The following UBD variants were observed in gnomAD, a reference collection of about 807,000 sequenced individuals.
UBD encodes ubiquitin D.
In UBD, 1 loss-of-function variant was observed where a neutral mutation model predicts 2.3. The observed-to-expected ratio is 0.43, with a 90% confidence interval of 0.15 to 2.06. The LOEUF (loss-of-function observed/expected upper bound fraction) is 2.06. Among genes scored for constraint, UBD ranks in the 30% most tolerant of loss-of-function variants. The pLI is 0.29. For synonymous variants in UBD, 75 were observed against 76.5 expected (o/e 0.98, Z 0.10); for missense variants, 175 against 199.3 (o/e 0.88, Z 0.73).
intron 1 of UBD, 90 bp from the exon 2 acceptor site, chr6:29,556,440 T>A: frequency 1.1e-6 from 1 of 912,922 alleles, no homozygotes; most frequent in Non-Finnish European, 1.7e-6. Context: ...CCTCTTCCAC[T>A]ATCTATCTGG....
chr6:29,556,304 T>A lies in UBD; in HGVS notation c.74A>T (p.Asn25Ile). The part of the protein sequence containing the change: ...EEWDLMTFDA[N>I]PYDSVKKIKE... ...GATTTTTTTCACGCTGTCATATGGG[T>A]TGGCATCAAAGGTCATTAAATCCCA... The change falls in exon 2 of 2, where the codon AAC (asparagine) becomes ATC (isoleucine). Residue 25 changes from asparagine (N) to isoleucine (I), a missense_variant. Asn to Ile is a moderately radical substitution (Grantham distance 149). Coordinates refer to ENST00000377050, the MANE Select transcript of UBD (RefSeq NM_006398.4). 1 of 1,612,956 alleles carries A rather than the reference T, an allele frequency of 6.2e-7. No individual in the cohort carries two copies. Among genetic ancestry groups the A allele is most frequent in the Non-Finnish European group, 8.5e-7 (1 of 1,179,986 alleles).
intron 1 of UBD, chr6:29,557,721 C>T (rs1454636731): frequency 1.3e-5 from 2 of 152,218 alleles, no homozygotes; most frequent in Non-Finnish European, 2.9e-5. Context: ...GTCAGAATGG[C>T]TACCTTGCAG....
chr6:29,559,622 A>G (rs541924199), intron 1 of UBD, 53 bp downstream of exon 1: 27 of 1,607,418 alleles, frequency 1.7e-5, no homozygotes, highest in African/African-American at 8.0e-5. Context: ...TCTCTCCCCA[A>G]CTCTTGAAAG....
Position 29,556,017 on chromosome 6 carries a change from T to C in UBD, c.361A>G (p.Thr121Ala). The C allele has an allele frequency of 6.2e-7, 1 of 1,613,140 alleles. No individual in the cohort carries two copies. Among genetic ancestry groups the C allele is most frequent in the Non-Finnish European group, 8.5e-7 (1 of 1,180,038 alleles). The change falls in exon 2 of 2, where the codon ACT becomes GCT. Residue 121 changes from threonine to alanine, a missense_variant. Physicochemically the swap from Thr to Ala is moderately conservative, Grantham distance 58. Transcript: ENST00000377050. ...SVAQVKAMIE[T>A]KTGIIPETQI... ...GTCTCAGGGATTATACCCGTCTTAG[T>C]CTCGATCATTGCTTTCACTTGTGCC...
chr6:29,558,659 G>A (rs1762647482), intron 1 of UBD, among the ~76,000 whole-genome samples: 1 of 152,176 alleles, frequency 6.6e-6, no homozygotes, highest in African/African-American at 2.4e-5. Context: ...CAGGGTGTCC[G>A]CTGTGCTTCT....
intron 1 of UBD, 99 bp downstream of exon 1, chr6:29,559,576 A>G (rs1334054092): frequency 4.6e-6 from 6 of 1,291,876 alleles, no homozygotes; most frequent in Non-Finnish European, 6.6e-6. Flanking sequence ...CCAGCCCCCC[A>G]GAGCCCTGAG....
chr6:29,556,391 G>T (rs2534790), intron 1 of UBD, 41 bp from the exon 2 acceptor site: 373,614 of 1,509,066 alleles, frequency 0.25, 49,816 homozygotes, highest in South Asian at 0.32. Flanking sequence ...TAGGATGCCT[G>T]CCTCCTTTAC....
Position 29,556,355 on chromosome 6 carries a change from G to A in UBD, c.28-5C>T, listed in dbSNP as rs1474249862. ...TTCCTCGGAACGGACATGCACCTGG[G>A]AAGTGAAAGCCACAAGACAGTTACC... On this transcript the variant is annotated splice_region_variant and splice_polypyrimidine_tract_variant and intron_variant, in intron 1 of 1. Coordinates refer to ENST00000377050, the MANE Select transcript of UBD (RefSeq NM_006398.4). 6.2e-7 allele frequency: 1 copy of A among 1,606,280 alleles called. No individual in the cohort carries two copies. The highest frequency in any genetic ancestry group is 8.5e-7 in the Non-Finnish European group (1 of 1,175,402).
In UBD at chr6:29,555,963, GTC is replaced by G; in HGVS notation, c.413_414del (p.Arg138ThrfsTer65). On this transcript the variant is annotated frameshift_variant, in exon 2 of 2. Coordinates refer to ENST00000377050, the MANE Select transcript of UBD (RefSeq NM_006398.4). LOFTEE classifies it low-confidence loss of function (END_TRUNC). The stretch of plus-strand genomic sequence containing the variant: ...TCTGCCATCATCTTCCCATCTTCCA[GTC>G]TCTTTCCATTGCAAGTCACAATCTG... ...ETQIVTCNGK[R>X]LEDGKMMADY... is the part of the protein sequence containing the mutation. 6.2e-7 allele frequency: 1 copy of G among 1,613,050 alleles called. No homozygotes were observed. Among genetic ancestry groups the G allele is most frequent in the Non-Finnish European group, 8.5e-7 (1 of 1,180,034 alleles).
intron 1 of UBD, 79 bp from the exon 2 acceptor site, chr6:29,556,429 C>T: frequency 1.0e-6 from 1 of 999,892 alleles, no homozygotes; most frequent in Non-Finnish European, 1.5e-6. Context: ...CAATGGCTCC[C>T]CCTCTTCCAC....
At chr6:29,558,683 G>A (rs570079911) in intron 1 of UBD, among the ~76,000 whole-genome samples, 2 of 152,326 alleles carry the variant, frequency 1.3e-5, no homozygotes, top group African/African-American at 4.8e-5. Context: ...CCAGTGAGGC[G>A]CCCATTGCCG....
intron 1 of UBD, 119 bp downstream of exon 1, chr6:29,559,556 G>T (rs994485954): frequency 1.1e-5 from 11 of 976,860 alleles, no homozygotes; most frequent in Non-Finnish European, 1.4e-5. Context: ...TTCTCCTGAA[G>T]GATGCCTGCC....
At chr6:29,559,537 G>A in intron 1 of UBD, 138 bp downstream of exon 1, 1 of 768,408 alleles carries the variant, frequency 1.3e-6, no homozygotes, top group Non-Finnish European at 2.1e-6. Flanking sequence ...AAATGTCAAT[G>A]CCAGCCTCTT....
chr6:29,559,624 T>C (rs1762704427), intron 1 of UBD, 51 bp downstream of exon 1: 2 of 1,608,918 alleles, frequency 1.2e-6, no homozygotes, highest in African/African-American at 2.7e-5. Context: ...TCTCCCCAAC[T>C]CTTGAAAGTG....
chr6:29,556,584 A>G, intron 1 of UBD: 1 of 521,246 alleles, frequency 1.9e-6, no homozygotes, highest in Non-Finnish European at 3.4e-6. Context: ...GATCTTGAGA[A>G]TGGAAAATAA....
intron 1 of UBD, among the ~76,000 whole-genome samples, chr6:29,558,510 TC>T (rs1189636088): frequency 1.3e-4 from 20 of 152,334 alleles, no homozygotes; most frequent in African/African-American, 4.8e-4. Flanking sequence ...GGGAGCTCTG[TC>T]TTCACTCTAC....
At chr6:29,559,142 C>G (rs1762674776) in intron 1 of UBD, among the ~76,000 whole-genome samples, 1 of 152,236 alleles carries the variant, frequency 6.6e-6, no homozygotes, top group Non-Finnish European at 1.5e-5. Context: ...AGACCTCCCT[C>G]ATACTCCATT....
At chr6:29,558,414 T>C (rs1457838722) in intron 1 of UBD, among the ~76,000 whole-genome samples, 1 of 152,144 alleles carries the variant, frequency 6.6e-6, no homozygotes, top group Non-Finnish European at 1.5e-5. Context: ...TTGCCTGAGA[T>C]CACAGCGGGA....
At chr6:29,559,622 A>C in intron 1 of UBD, 53 bp downstream of exon 1, 2 of 1,607,420 alleles carry the variant, frequency 1.2e-6, no homozygotes, top group Non-Finnish European at 1.7e-6. Context: ...TCTCTCCCCA[A>C]CTCTTGAAAG....
Sources: allele counts gnomAD v4.1 joint callset (sites outside exome capture counted in the v4.1 genomes callset), GRCh38; gene constraint gnomAD v4.1.1; transcripts MANE v1.5; gene names NCBI Gene and HGNC (gene_info 2026-07-23, HGNC 2026-07-21).